Variants in CDIN1 observed in about 807,000 individuals in gnomAD.
CDIN1 encodes the protein CDAN1-interacting nuclease 1.
Under a neutral mutation model 45.3 loss-of-function variants are expected in CDIN1, and 33 were observed. That is an observed-to-expected ratio of 0.73 (90% confidence interval 0.55 to 0.97). The LOEUF (loss-of-function observed/expected upper bound fraction) is 0.97. Among genes scored for constraint, CDIN1 ranks in the 50% least tolerant of loss-of-function variants. CDIN1 has a pLI of 0.00. For synonymous variants in CDIN1, 118 were observed against 124.4 expected (o/e 0.95, Z 0.34); for missense variants, 303 against 339.4 (o/e 0.89, Z 0.84).
chr15:36,629,154 C>T (rs77953701), intron 1 of CDIN1, among the ~76,000 whole-genome samples: 4,670 of 152,244 alleles, frequency 0.031, 122 homozygotes, highest in Non-Finnish European at 0.046. Context: ...GCCTCCAGAA[C>T]TGTGAGAGAA....
intron 1 of CDIN1, among the ~76,000 whole-genome samples, chr15:36,619,500 T>TATCTATCTATCTATCC (rs2039058210): frequency 6.6e-6 from 1 of 151,952 alleles, no homozygotes; most frequent in Non-Finnish European, 1.5e-5. Flanking sequence ...TCTATCTATC[T>TATCTATCTATCTATCC]ATCTATCTAT....
intron 1 of CDIN1, among the ~76,000 whole-genome samples, chr15:36,605,979 C>T (rs2038354394): frequency 6.6e-6 from 1 of 152,054 alleles, no homozygotes; most frequent in Admixed American, 6.5e-5. Context: ...GGGAATTTGA[C>T]CTCTAGCTTA....
At chr15:36,756,811 G>A (rs934683226) in intron 10 of CDIN1, among the ~76,000 whole-genome samples, 16 of 152,050 alleles carry the variant, frequency 1.1e-4, no homozygotes, top group African/African-American at 3.9e-4. Flanking sequence ...ACAACTGAGG[G>A]ACCCCGTAGC....
At chr15:36,734,972 T>C (rs1190815365) in intron 10 of CDIN1, among the ~76,000 whole-genome samples, 1 of 152,166 alleles carries the variant, frequency 6.6e-6, no homozygotes, top group Non-Finnish European at 1.5e-5. Context: ...CCAGTTTAGC[T>C]CACACAGGGA....
chr15:36,740,369 A>G (rs551194536), intron 10 of CDIN1, among the ~76,000 whole-genome samples: 1 of 152,274 alleles, frequency 6.6e-6, no homozygotes, highest in Non-Finnish European at 1.5e-5. Context: ...AGGCATCCTA[A>G]CTAACCATAC....
intron 10 of CDIN1, chr15:36,799,568 C>T (rs779317488): frequency 6.6e-6 from 1 of 152,138 alleles, no homozygotes; most frequent in Non-Finnish European, 1.5e-5. Context: ...TAAATAGTTG[C>T]CTTTTCCAGG....
At position 36,722,051 on chromosome 15, in the gene CDIN1, T is replaced by C. The variant is rs576794321; in HGVS notation, c.716+12090T>C. Among the ~76,000 whole-genome samples the C allele has an allele frequency of 5.3e-5, 8 of 152,270 alleles. No homozygotes were observed. In the South Asian group the frequency reaches 1.5e-3, roughly 28 times the overall value. ...GATGTCTAGTGTTTAAAAACTGTTA[T>C]GTCATCTATTTTGTTTTTTAACTTT... On this transcript the variant is annotated intron_variant, in intron 10 of 10. Transcript: ENST00000566621.
chr15:36,583,361 A>C (rs375532292), intron 1 of CDIN1, among the ~76,000 whole-genome samples: 2 of 152,304 alleles, frequency 1.3e-5, no homozygotes, highest in South Asian at 4.1e-4. Flanking sequence ...TTTTCCTCTT[A>C]CTGTGACTTC....
intron 1 of CDIN1, among the ~76,000 whole-genome samples, chr15:36,620,316 A>T (rs1412279152): frequency 6.6e-6 from 1 of 152,066 alleles, no homozygotes; most frequent in African/African-American, 2.4e-5. Context: ...GCGCCACCGC[A>T]CTCCAGCCTG....
At chr15:36,666,049 T>C (rs2041236113) in intron 5 of CDIN1, among the ~76,000 whole-genome samples, 1 of 152,184 alleles carries the variant, frequency 6.6e-6, no homozygotes, top group African/African-American at 2.4e-5. Flanking sequence ...ATAGAGGTAC[T>C]TTTTGTTTAT....
At chr15:36,739,446 A>G (rs1198005363) in intron 10 of CDIN1, among the ~76,000 whole-genome samples, 1 of 146,930 alleles carries the variant, frequency 6.8e-6, no homozygotes, top group Non-Finnish European at 1.5e-5. Context: ...CAAAACAAAA[A>G]ACAAAGAAAA....
chr15:36,671,470 T>TTG (rs975710678), intron 5 of CDIN1, among the ~76,000 whole-genome samples: 7 of 152,132 alleles, frequency 4.6e-5, no homozygotes, highest in Admixed American at 6.6e-5. Flanking sequence ...TTCTGACATA[T>TTG]TGTGTGTGTG....
At chr15:36,786,967 TCTC>T in intron 10 of CDIN1, among the ~76,000 whole-genome samples, 1 of 152,214 alleles carries the variant, frequency 6.6e-6, no homozygotes. Context: ...GCTTGTTCCT[TCTC>T]CTCCACCTGC....
chr15:36,714,778 T>C (rs2043166258), intron 10 of CDIN1, among the ~76,000 whole-genome samples: 1 of 152,146 alleles, frequency 6.6e-6, no homozygotes, highest in Non-Finnish European at 1.5e-5. Flanking sequence ...AGTTGCACAC[T>C]CTGGTTGTCT....
chr15:36,804,119 A>G (rs1360356919), intron 10 of CDIN1, among the ~76,000 whole-genome samples: 1 of 152,154 alleles, frequency 6.6e-6, no homozygotes, highest in Non-Finnish European at 1.5e-5. Flanking sequence ...CAGGGATAAT[A>G]ATTGTACCAA....
chr15:36,654,973 C>A (rs375229456), intron 4 of CDIN1, among the ~76,000 whole-genome samples: 1 of 152,126 alleles, frequency 6.6e-6, no homozygotes, highest in African/African-American at 2.4e-5. Flanking sequence ...ACTGTTTTTG[C>A]GTTGCATTAT....
intron 10 of CDIN1, among the ~76,000 whole-genome samples, chr15:36,752,000 G>A (rs1330087992): frequency 6.6e-6 from 1 of 152,154 alleles, no homozygotes; most frequent in Non-Finnish European, 1.5e-5. Flanking sequence ...AGCCTGTTGG[G>A]GGTGCAGGGG....
intron 1 of CDIN1, among the ~76,000 whole-genome samples, chr15:36,602,128 G>A (rs564308516): frequency 3.9e-5 from 6 of 152,200 alleles, no homozygotes; most frequent in African/African-American, 1.4e-4. Flanking sequence ...TGTGCTCAGC[G>A]TGAACGCTTC....
chr15:36,737,497 A>G (rs777042971), intron 10 of CDIN1, among the ~76,000 whole-genome samples: 6 of 152,172 alleles, frequency 3.9e-5, no homozygotes, highest in African/African-American at 1.4e-4. Context: ...ATGGAGTACT[A>G]CCTCAAGAAT....
Sources: allele counts gnomAD v4.1 joint callset (sites outside exome capture counted in the v4.1 genomes callset), GRCh38; gene constraint gnomAD v4.1.1; transcripts MANE v1.5; gene names NCBI Gene and HGNC (gene_info 2026-07-23, HGNC 2026-07-21).